The following LRRD1 variants were observed in gnomAD, a reference collection of about 807,000 sequenced individuals.
The protein encoded by LRRD1 is leucine rich repeats and death domain containing 1.
A neutral mutation model predicts 69.5 loss-of-function variants in LRRD1; 49 were observed. The observed-to-expected ratio is 0.70, with a 90% CI of 0.56 to 0.89. LRRD1 has a LOEUF of 0.89. Ranked by LOEUF, LRRD1 falls within the 40% of genes least tolerant of loss-of-function variation. LRRD1 has a pLI of 0.00. For synonymous variants in LRRD1, 303 were observed against 338.9 expected, an observed-to-expected ratio of 0.89 and a Z score of 1.16; for missense variants, 853 against 956.0, an observed-to-expected ratio of 0.89 and a Z score of 1.42.
intron 1 of LRRD1, among the ~76,000 whole-genome samples, chr7:92,170,100 G>C (rs567111193): frequency 6.7e-6 from 1 of 148,658 alleles, no homozygotes. Context: ...AATAAAGAAA[G>C]AGAGAGAGAG....
chr7:92,173,672 A>G (rs1330451569), intron 1 of LRRD1, among the ~76,000 whole-genome samples: 1 of 152,210 alleles, frequency 6.6e-6, no homozygotes, highest in South Asian at 2.1e-4. Context: ...TAAAAAGACC[A>G]GGAATCACGG....
At chr7:92,171,390 A>C (rs2131020687) in intron 1 of LRRD1, among the ~76,000 whole-genome samples, 1 of 152,306 alleles carries the variant, frequency 6.6e-6, no homozygotes, top group East Asian at 1.9e-4. Context: ...GAGACTATTA[A>C]GAACAACAAT....
chr7:92,151,245 T>C (rs746685837), intron 3 of LRRD1, among the ~76,000 whole-genome samples: 2 of 152,260 alleles, frequency 1.3e-5, no homozygotes, highest in Non-Finnish European at 2.9e-5. Context: ...CGCCTCTGGT[T>C]TGTGATAGTT....
At position 92,164,636 on chromosome 7, in the gene LRRD1, T is replaced by C. The variant is rs1788863771; in HGVS notation, c.567A>G (p.Gly189=). The C allele has an allele frequency of 1.3e-6, 2 of 1,551,696 alleles. No homozygotes were observed. Among genetic ancestry groups the C allele is most frequent in the South Asian group, 2.4e-5 (2 of 84,066 alleles). ...TTTCTTGCAGGGATAGAATTTCAAG[T>C]CCTAACAGATCACCTGAGTCTGCCC... ...FQGADSGDLL[G]LEILSLQENG... is the part of the protein sequence containing the mutation. Residue 189 remains glycine (G), a synonymous_variant, in exon 2 of 6, where the codon GGA becomes GGG. Transcript: ENST00000458448.
At chr7:92,142,558 T>G (rs993291053), downstream of LRRD1, 5 of 456,090 alleles carry the variant, frequency 1.1e-5, no homozygotes, top group Admixed American at 1.2e-4. Context: ...CCGGAATTGG[T>G]GGGTTCTTCG....
rs1171438061 is a variant in LRRD1 at position 92,144,887 on chromosome 7, G to A, written c.*1C>T. 2.0e-6 allele frequency: 3 copies of A among 1,464,450 alleles called. No homozygotes were observed. The African/African-American group carries it at 4.2e-5, about 21-fold the overall frequency. The allele number at this position is 1,464,450 out of a possible 1,614,324, so 90.7% of individuals were successfully genotyped here. A position where few individuals can be genotyped will look rare whatever the true frequency, so the allele number is the denominator to read the frequency against. On this transcript the variant is annotated 3_prime_UTR_variant, in exon 6 of 6. Coordinates refer to ENST00000458448, the MANE Select transcript of LRRD1 (RefSeq NM_001161528.2). ...TTCAGTTTTTATTATTGATCCACTG[G>A]TTAGAATTTAATTGCACGCGTAAAA...
chr7:92,150,873 G>A (rs1820448957), intron 3 of LRRD1, among the ~76,000 whole-genome samples, 178 bp from the exon 4 acceptor site: 1 of 152,188 alleles, frequency 6.6e-6, no homozygotes, highest in Non-Finnish European at 1.5e-5. Flanking sequence ...TAGAAAGACA[G>A]CTGTGGTTCC....
chr7:92,144,928 A>G lies in LRRD1; in HGVS notation c.2543T>C (p.Ile848Thr). The part of the protein sequence containing the change: ...MIGAYEIMDK[I>T]TALNLFTRAI... ...ACGCGTAAAAAGATTTAAAGCTGTT[A>G]TTTTGTCCATAATTTCATATGCTCC... The change falls in exon 6 of 6, where the codon ATA (isoleucine) becomes ACA (threonine). Residue 848 changes from isoleucine (I) to threonine (T), a missense_variant. Ile to Thr is a moderately conservative substitution (Grantham distance 89). Coordinates refer to ENST00000458448, the MANE Select transcript of LRRD1 (RefSeq NM_001161528.2). 3 of 1,530,870 alleles carry G rather than the reference A, an allele frequency of 2.0e-6. No individual in the cohort carries two copies. The highest frequency in any genetic ancestry group is 2.6e-6 in the Non-Finnish European group (3 of 1,134,768). 94.8% of individuals were successfully genotyped at this position (1,530,870 alleles called of 1,614,324 possible).
chr7:92,165,510 A>C (rs546852794), intron 1 of LRRD1, among the ~76,000 whole-genome samples: 1 of 152,192 alleles, frequency 6.6e-6, no homozygotes, highest in African/African-American at 2.4e-5. Flanking sequence ...AAAAAAGTTC[A>C]AAGAAAATTA....
chr7:92,158,390 T>C (rs1040097454), intron 3 of LRRD1, among the ~76,000 whole-genome samples: 1 of 149,246 alleles, frequency 6.7e-6, no homozygotes, highest in Admixed American at 6.7e-5. Flanking sequence ...CAGATAAATA[T>C]ATATGTGTAT....
chr7:92,178,775 T>C (rs919338996), intron 1 of LRRD1: 2 of 152,254 alleles, frequency 1.3e-5, no homozygotes, highest in African/African-American at 2.4e-5. Flanking sequence ...AGTTGAACAA[T>C]GGCCCAATGT....
chr7:92,141,964 A>G (rs1820159378), downstream of LRRD1: 1 of 150,694 alleles, frequency 6.6e-6, no homozygotes, highest in South Asian at 2.1e-4. Flanking sequence ...TTTTTTTGAG[A>G]CAGAGTCTCG....
At chr7:92,178,085 G>A (rs769859981) in intron 1 of LRRD1, among the ~76,000 whole-genome samples, 28 of 152,174 alleles carry the variant, frequency 1.8e-4, no homozygotes, top group Non-Finnish European at 3.4e-4. Context: ...AGGCCCAGGC[G>A]TGCAGATCAC....
intron 1 of LRRD1, among the ~76,000 whole-genome samples, chr7:92,174,509 ATTT>A (rs35052440): frequency 0.061 from 777 of 12,732 alleles, 58 homozygotes; most frequent in East Asian, 0.3. Context: ...ATATATATAT[ATTT>A]TTTTTTTTTT....
chr7:92,148,172 C>G (rs1002536004), intron 4 of LRRD1, among the ~76,000 whole-genome samples: 4 of 152,070 alleles, frequency 2.6e-5, no homozygotes, highest in African/African-American at 9.7e-5. Context: ...AACTTCTGGC[C>G]TCAAGTTATC....
chr7:92,174,502 TATATA>T (rs1789137214), intron 1 of LRRD1, among the ~76,000 whole-genome samples: 35 of 21,314 alleles, frequency 1.6e-3, no homozygotes, highest in African/African-American at 2.6e-3. Context: ...TATATATATA[TATATA>T]TATTTTTTTT....
intron 2 of LRRD1, among the ~76,000 whole-genome samples, chr7:92,159,924 T>C (rs1480933125): frequency 3.9e-5 from 6 of 152,190 alleles, no homozygotes; most frequent in Non-Finnish European, 8.8e-5. Context: ...CCAGGCCCCA[T>C]TGCTTTTTAT....
chr7:92,155,987 T>C (rs1446753297), intron 3 of LRRD1, among the ~76,000 whole-genome samples: 1 of 152,218 alleles, frequency 6.6e-6, no homozygotes, highest in Admixed American at 6.5e-5. Flanking sequence ...CCCACCCAGA[T>C]TGAGGGTGGG....
chr7:92,154,796 A>G (rs1031772677), intron 3 of LRRD1, among the ~76,000 whole-genome samples: 3 of 152,140 alleles, frequency 2.0e-5, no homozygotes, highest in Non-Finnish European at 4.4e-5. Flanking sequence ...TCTCTGTTGG[A>G]TTACAGTAGT....
Sources: gnomAD v4.1 joint callset for allele counts (sites outside exome capture counted in the v4.1 genomes callset) on GRCh38, gnomAD v4.1.1 for gene constraint, MANE v1.5 for transcripts, NCBI Gene and HGNC (gene_info 2026-07-23, HGNC 2026-07-21) for gene names.